The following PRSS16 variants were observed in gnomAD, a reference collection of about 807,000 sequenced individuals.
PRSS16 encodes serine protease 16, also known as thymus-specific serine protease.
PRSS16 carries 43 observed loss-of-function variants against 61.7 expected under a neutral mutation model. The ratio of observed to expected loss-of-function variants is 0.70; its 90% CI spans 0.55 to 0.90. PRSS16 has a LOEUF of 0.90. Ranked by LOEUF, PRSS16 falls within the 40% of genes least tolerant of loss-of-function variation. PRSS16 has a pLI of 0.00. For missense variants in PRSS16, 591 were observed against 659.1 expected, an observed-to-expected ratio of 0.90 and a Z score of 1.13; for synonymous variants, 273 against 285.2, an observed-to-expected ratio of 0.96 and a Z score of 0.43.
chr6:27,250,830 C>A, intron 5 of PRSS16, 24 bp downstream of exon 5: 2 of 1,592,302 alleles, frequency 1.3e-6, no homozygotes, highest in Non-Finnish European at 8.5e-7. Context: ...TCCGGGTGGG[C>A]TGGGGGGAGG....
At chr6:27,254,336 G>A (rs558440325) in intron 9 of PRSS16, 7 of 192,250 alleles carry the variant, frequency 3.6e-5, no homozygotes, top group East Asian at 1.4e-4. Context: ...TTTGAGCTCC[G>A]AGCATTCCAG....
rs144216233 is a variant in PRSS16 at position 27,251,661 on chromosome 6, T to G, written c.718-89T>G. The G allele has an allele frequency of 2.9e-3, 4,207 of 1,473,146 alleles. 23 individuals carry two copies. Among genetic ancestry groups the G allele is most frequent in the Middle Eastern group, 0.02 (77 of 3,944 alleles). The allele number at this position is 1,473,146 out of a possible 1,614,324, so 91.3% of individuals were successfully genotyped here. A position where few individuals can be genotyped will look rare whatever the true frequency, so the allele number is the denominator to read the frequency against. ...CCCTCTGAGTCCCGCTAGGGGAAAGTGGGGAACCCAAGGAGGACGCAGGTC... is the reference window on the plus strand; with the variant it reads ...CCCTCTGAGTCCCGCTAGGGGAAAGGGGGGAACCCAAGGAGGACGCAGGTC... On this transcript the variant is annotated intron_variant, in intron 7 of 11. Transcript: ENST00000230582. The surrounding 1 kb of genome is among the most constrained non-coding windows in gnomAD (Gnocchi z 5.6).
Position 27,252,703 on chromosome 6 carries a change from C to T in PRSS16, c.1009-105C>T, listed in dbSNP as rs1046249982. 9 of 1,282,434 alleles carry T rather than the reference C, an allele frequency of 7.0e-6. No homozygotes were observed. The highest frequency in any genetic ancestry group is 2.7e-5 in the South Asian group (2 of 73,042). 79.4% of individuals were successfully genotyped at this position (1,282,434 alleles called of 1,614,324 possible). A position where few individuals can be genotyped will look rare whatever the true frequency, so the allele number is the denominator to read the frequency against. ...CTCCCAGGAGAACTCAGGAACTCAC[C>T]CTTCTATTTCTGACTTTTGACCTCT... On this transcript the variant is annotated intron_variant, in intron 8 of 11. Transcript: ENST00000230582. This position sits in a 1 kb window ranked among gnomAD's most constrained non-coding sequence, Gnocchi z 4.2.
rs1761251669 is a variant in PRSS16, at chr6:27,247,780, G to A, written c.43G>A (p.Val15Ile). 1.9e-6 allele frequency: 3 copies of A among 1,603,560 alleles called. No homozygotes were observed. Among genetic ancestry groups the A allele is most frequent in the East Asian group, 2.3e-5 (1 of 44,386 alleles). ...CCAGTGGCTGGGCCCTCTGCTCTTG[G>A]TTTCCCTCTGGGGACTCTTGGCTCC... ...LAQWLGPLLL[V>I]SLWGLLAPAS... is the part of the protein sequence containing the mutation. The change falls in exon 1 of 12, where the codon GTT becomes ATT. Residue 15 changes from valine (V) to isoleucine (I), a missense_variant. Physicochemically the swap from Val to Ile is conservative, Grantham distance 29 (BLOSUM62 3). Transcript: ENST00000230582.
intron 9 of PRSS16, chr6:27,254,315 A>C (rs1290619187): frequency 5.5e-6 from 1 of 183,394 alleles, no homozygotes; most frequent in Admixed American, 5.6e-5. Context: ...AGCAGGGCAG[A>C]CATAATACAA....
intron 4 of PRSS16, among the ~76,000 whole-genome samples, chr6:27,249,959 T>C (rs1400006577): frequency 6.6e-6 from 1 of 152,230 alleles, no homozygotes; most frequent in Non-Finnish European, 1.5e-5. Context: ...TTTCCAACTT[T>C]ACTTCACCTG....
In PRSS16 at chr6:27,247,959, G is replaced by C; in HGVS notation, c.148G>C (p.Gly50Arg). 1 of 1,608,710 alleles carries C rather than the reference G, an allele frequency of 6.2e-7. No individual in the cohort carries two copies. The highest frequency in any genetic ancestry group is 8.5e-7 in the Non-Finnish European group (1 of 1,177,666). ...SSAQGLGLSL[G>R]PGAAALPKVG... ...TGCCCAGGGCCTGGGCCTGAGCCTG[G>C]GGCCAGGTGCTGCAGCCCTCCCAAA... The change falls in exon 2 of 12, where the codon GGG becomes CGG. Residue 50 changes from glycine to arginine, a missense_variant. By Grantham distance (125) the Gly-to-Arg change is moderately radical. Transcript: ENST00000230582.
At chr6:27,250,482 G>T (rs1488713254) in intron 4 of PRSS16, among the ~76,000 whole-genome samples, 2 of 152,108 alleles carry the variant, frequency 1.3e-5, no homozygotes, top group African/African-American at 2.4e-5. Context: ...ACGAGGACAG[G>T]GTCTCCCTTG....
chr6:27,251,889 G>C lies in PRSS16; in HGVS notation c.857G>C (p.Gly286Ala). 1 of 1,613,408 alleles carries C rather than the reference G, an allele frequency of 6.2e-7. No homozygotes were observed. Among genetic ancestry groups the C allele is most frequent in the Non-Finnish European group, 8.5e-7 (1 of 1,179,810 alleles). The change falls in exon 8 of 12, where the codon GGG becomes GCG. Residue 286 changes from glycine (G) to alanine (A), a missense_variant. Gly to Ala is a moderately conservative substitution (Grantham distance 60). Transcript: ENST00000230582. This position sits in a 1 kb window ranked among gnomAD's most constrained non-coding sequence, Gnocchi z 5.6. ...GRAENQAELL[G>A]ALQALVGGVV... ...GCTGAAAACCAGGCGGAGCTGTTGG[G>C]GGCGCTGCAGGCACTGGTGGGAGGT... is the stretch of plus-strand genomic sequence containing the variant.
rs1244587322 is a variant in PRSS16 at position 27,256,615 on chromosome 6, A to G, written c.*1300A>G. 6.6e-6 allele frequency: 1 copy of G among 152,234 alleles called. No individual in the cohort carries two copies. The highest frequency in any genetic ancestry group is 6.5e-5 in the Admixed American group (1 of 15,276). The allele number at this position is 152,234 out of a possible 1,614,324, so 9.4% of individuals were successfully genotyped here. A position where few individuals can be genotyped will look rare whatever the true frequency, so the allele number is the denominator to read the frequency against. ...GATCTTTATATAAATGGAAACTTGC[A>G]GTATATATTATATGTTTTTGTGTCT... On this transcript the variant is annotated 3_prime_UTR_variant, in exon 12 of 12. Transcript: ENST00000230582.
In PRSS16 at chr6:27,251,671, AAGGAGGACGC is replaced by A; in HGVS notation, c.718-75_718-66del. ...CCCGCTAGGGGAAAGTGGGGAACCCAAGGAGGACGCAGGTCCTGGGTAGGGAAAGCCGAGG... is the reference window on the plus strand; with the variant it reads ...CCCGCTAGGGGAAAGTGGGGAACCCAAGGTCCTGGGTAGGGAAAGCCGAGG... On this transcript the variant is annotated intron_variant, in intron 7 of 11. Transcript: ENST00000230582. The surrounding 1 kb of genome is among the most constrained non-coding windows in gnomAD (Gnocchi z 5.6). 1 of 1,504,416 alleles carries A rather than the reference AAGGAGGACGC, an allele frequency of 6.6e-7. No individual in the cohort carries two copies. The highest frequency in any genetic ancestry group is 8.8e-7 in the Non-Finnish European group (1 of 1,137,460). 93.2% of individuals were successfully genotyped at this position (1,504,416 alleles called of 1,614,324 possible).
intron 4 of PRSS16, 132 bp downstream of exon 4, chr6:27,249,361 CTG>C (rs1759819750): frequency 8.2e-7 from 1 of 1,213,348 alleles, no homozygotes; most frequent in Admixed American, 2.5e-5. Context: ...CTGTTTTCTT[CTG>C]TGTTTCATAG....
intron 9 of PRSS16, chr6:27,253,404 G>T: frequency 2.6e-6 from 1 of 383,666 alleles, no homozygotes; most frequent in Non-Finnish European, 5.2e-6. Context: ...TTTCTTGCCG[G>T]GATCCCTTCC....
At position 27,252,532 on chromosome 6, in the gene PRSS16, A is replaced by G. The variant is rs142642001; in HGVS notation, c.1009-276A>G. Among the ~76,000 whole-genome samples the G allele has an allele frequency of 7.7e-4, 117 of 152,278 alleles. No homozygotes were observed. Among genetic ancestry groups the G allele is most frequent in the African/African-American group, 2.7e-3 (113 of 41,546 alleles). ...ATTAAGTTCTCAAGAGATAGGCACT[A>G]TTATTATCGCCACTTACAGAAAAGG... On this transcript the variant is annotated intron_variant, in intron 8 of 11. Coordinates refer to ENST00000230582, the MANE Select transcript of PRSS16 (RefSeq NM_005865.4). This position sits in a 1 kb window ranked among gnomAD's most constrained non-coding sequence, Gnocchi z 4.2.
chr6:27,249,952 C>T (rs1759841445), intron 4 of PRSS16, among the ~76,000 whole-genome samples: 1 of 152,168 alleles, frequency 6.6e-6, no homozygotes, highest in Non-Finnish European at 1.5e-5. Context: ...CACCATTTTT[C>T]CAACTTTACT....
At chr6:27,254,504 T>C (rs1759985309) in intron 9 of PRSS16, 189 bp from the exon 10 acceptor site, 1 of 586,466 alleles carries the variant, frequency 1.7e-6, no homozygotes, top group Non-Finnish European at 3.0e-6. Context: ...CCTTTTTCCA[T>C]CACAGCCCTG....
chr6:27,248,856 G>A lies in PRSS16; in HGVS notation c.247G>A (p.Val83Met), dbSNP rs754745105. ...DRRSFLQRYW[V>M]NDQHWVGQDG... Reference sequence around the variant, plus strand: ...CCATCCCACCTCTCAGCGTTACTGGGTGAATGACCAACATTGGGTTGGCCA... The same window carrying A: ...CCATCCCACCTCTCAGCGTTACTGGATGAATGACCAACATTGGGTTGGCCA... The change falls in exon 3 of 12, where the codon GTG (valine) becomes ATG (methionine). Residue 83 changes from valine (V) to methionine (M), a missense_variant. Val to Met is a conservative substitution (Grantham distance 21, BLOSUM62 1). Coordinates refer to ENST00000230582, the MANE Select transcript of PRSS16 (RefSeq NM_005865.4). 3.7e-6 allele frequency: 6 copies of A among 1,608,190 alleles called. No individual in the cohort carries two copies. The highest frequency in any genetic ancestry group is 5.1e-6 in the Non-Finnish European group (6 of 1,176,626).
Position 27,252,068 on chromosome 6 carries a change from G to T in PRSS16, c.1008+28G>T. ...GAGCACTCCCTGGCACAGCTGGGAG[G>T]AGTTAGCGGACAAAGATTCCTGCCC... is the stretch of plus-strand genomic sequence containing the variant. On this transcript the variant is annotated intron_variant, in intron 8 of 11. Transcript: ENST00000230582. This position sits in a 1 kb window ranked among gnomAD's most constrained non-coding sequence, Gnocchi z 4.2. The T allele has an allele frequency of 6.8e-7, 1 of 1,460,792 alleles. No individual in the cohort carries two copies. The allele number at this position is 1,460,792 out of a possible 1,614,324, so 90.5% of individuals were successfully genotyped here.
intron 4 of PRSS16, among the ~76,000 whole-genome samples, chr6:27,250,421 C>T (rs560241828): frequency 1.2e-4 from 18 of 152,306 alleles, no homozygotes; most frequent in Non-Finnish European, 4.4e-5. Context: ...AATTTTTCCT[C>T]TCCTACCTAA....
Sources: allele counts gnomAD v4.1 joint callset (sites outside exome capture counted in the v4.1 genomes callset), GRCh38; gene constraint gnomAD v4.1.1; non-coding constraint Gnocchi (gnomAD v3.1); transcripts MANE v1.5; gene names NCBI Gene and HGNC (gene_info 2026-07-23, HGNC 2026-07-21).